Variants in LRRTM4 observed in about 807,000 individuals in gnomAD.
The protein encoded by LRRTM4 is leucine rich repeat transmembrane neuronal 4.
LRRTM4 carries 25 observed loss-of-function variants against 47.6 expected under a neutral mutation model. The ratio of observed to expected loss-of-function variants is 0.53; its 90% CI spans 0.38 to 0.73. The LOEUF (loss-of-function observed/expected upper bound fraction) is 0.73, where lower values mean the gene tolerates loss of function less well. Among genes scored for constraint, LRRTM4 ranks in the 30% least tolerant of loss-of-function variants. The probability of loss-of-function intolerance (pLI) is 0.00; values close to 1 mark genes in which losing one functional copy is unlikely to be tolerated. For missense variants in LRRTM4, 638 were observed against 713.4 expected (o/e 0.89, Z 1.20); for synonymous variants, 311 against 269.5 (o/e 1.15, Z -1.51).
chr2:77,251,315 A>T (rs1183214546), intron 3 of LRRTM4, among the ~76,000 whole-genome samples: 1 of 151,092 alleles, frequency 6.6e-6, no homozygotes, highest in Non-Finnish European at 1.5e-5. Context: ...ATTTTGAATT[A>T]TCATAAAAAA....
chr2:77,226,880 T>C (rs1261903428), intron 3 of LRRTM4, among the ~76,000 whole-genome samples: 1 of 151,914 alleles, frequency 6.6e-6, no homozygotes, highest in Non-Finnish European at 1.5e-5. Flanking sequence ...TTAGACAGAG[T>C]GCATACAGTG....
At chr2:76,840,802 T>C (rs1671652058) in intron 3 of LRRTM4, among the ~76,000 whole-genome samples, 1 of 152,072 alleles carries the variant, frequency 6.6e-6, no homozygotes, top group Non-Finnish European at 1.5e-5. Context: ...TGTAGAGAAA[T>C]AGGAATACTT....
intron 3 of LRRTM4, among the ~76,000 whole-genome samples, chr2:77,201,833 T>C (rs542808215): frequency 6.6e-6 from 1 of 152,168 alleles, no homozygotes; most frequent in Admixed American, 6.6e-5. Context: ...TGTAGAGTAC[T>C]TATCAAATTT....
intron 3 of LRRTM4, among the ~76,000 whole-genome samples, chr2:77,275,210 C>T (rs923636228): frequency 2.0e-5 from 3 of 152,060 alleles, no homozygotes; most frequent in Admixed American, 2.0e-4. Flanking sequence ...ACTTTTAGTA[C>T]CCACCTACAC....
intron 3 of LRRTM4, among the ~76,000 whole-genome samples, chr2:77,460,476 A>C (rs1676746358): frequency 6.6e-6 from 1 of 152,126 alleles, no homozygotes; most frequent in South Asian, 2.1e-4. Flanking sequence ...TTGCATGTTC[A>C]TTTTGCCCAG....
chr2:77,509,136 G>A (rs954515062), intron 3 of LRRTM4, among the ~76,000 whole-genome samples: 3 of 151,416 alleles, frequency 2.0e-5, no homozygotes, highest in African/African-American at 7.3e-5. Context: ...GGAGGCTGAG[G>A]CAGGAGAATC....
Position 76,913,543 on chromosome 2 carries a change from A to ATTTTTTTT in LRRTM4, c.1552-164635_1552-164628dup, listed in dbSNP as rs58615415. ...CCAAATATTTAGAGATCCTATTTCA[A>ATTTTTTTT]TTTTTTTTTTTTTTGAGACAGAGTC... On this transcript the variant is annotated intron_variant, in intron 3 of 3. Transcript: ENST00000409884. 8.8e-4 allele frequency among the ~76,000 whole-genome samples: 107 copies of ATTTTTTTT among 121,474 alleles called. 8 individuals are homozygous for ATTTTTTTT. Among genetic ancestry groups the ATTTTTTTT allele is most frequent in the African/African-American group, 3.2e-3 (98 of 30,644 alleles). 79.7% of individuals were successfully genotyped at this position (121,474 alleles called of 152,430 possible). A position where few individuals can be genotyped will look rare whatever the true frequency, so the allele number is the denominator to read the frequency against.
intron 3 of LRRTM4, among the ~76,000 whole-genome samples, chr2:77,301,224 A>G (rs1305184406): frequency 6.6e-6 from 1 of 152,166 alleles, no homozygotes; most frequent in Non-Finnish European, 1.5e-5. Context: ...TATAAAAAAT[A>G]GATAATTTTG....
chr2:76,936,938 G>A (rs1415997203), intron 3 of LRRTM4, among the ~76,000 whole-genome samples: 1 of 95,656 alleles, frequency 1.0e-5, no homozygotes, highest in East Asian at 3.7e-4. Flanking sequence ...CTGGGCGACA[G>A]AGCAAGACTC....
intron 3 of LRRTM4, among the ~76,000 whole-genome samples, chr2:76,873,710 A>G (rs754205172): frequency 1.3e-5 from 2 of 151,502 alleles, no homozygotes; most frequent in Non-Finnish European, 2.9e-5. Context: ...CATTTTACCA[A>G]TATGACCTTA....
Position 76,918,894 on chromosome 2 carries a change from T to A in LRRTM4, c.1552-169978A>T, listed in dbSNP as rs148371824. ...CATTTCATACTAACTTCGATCAAGA[T>A]AACCCTTTGGCTCAACCATTTACTA... On this transcript the variant is annotated intron_variant, in intron 3 of 3. Coordinates refer to ENST00000409884, the MANE Select transcript of LRRTM4 (RefSeq NM_001134745.3). Among the ~76,000 whole-genome samples the A allele has an allele frequency of 4.7e-4, 71 of 152,292 alleles. No individual in the cohort carries two copies. The East Asian group carries it at 0.011, about 24-fold the overall frequency.
At chr2:76,754,603 G>T (rs916453567) in intron 3 of LRRTM4, among the ~76,000 whole-genome samples, 10 of 152,160 alleles carry the variant, frequency 6.6e-5, no homozygotes, top group African/African-American at 2.4e-4. Context: ...ACATGTAAGT[G>T]TGAAAGCTCC....
intron 3 of LRRTM4, chr2:76,987,303 T>G (rs941873626): frequency 1.1e-4 from 17 of 150,798 alleles, no homozygotes; most frequent in African/African-American, 4.1e-4. Context: ...GGTGACAAAG[T>G]GCACACTTTT....
intron 3 of LRRTM4, among the ~76,000 whole-genome samples, chr2:77,344,084 G>A (rs1671472952): frequency 6.6e-6 from 1 of 151,802 alleles, no homozygotes; most frequent in South Asian, 2.1e-4. Context: ...GCTTATAGAA[G>A]TGTGTAAAAC....
At chr2:77,214,392 G>A (rs546078243) in intron 3 of LRRTM4, among the ~76,000 whole-genome samples, 15 of 152,258 alleles carry the variant, frequency 9.9e-5, no homozygotes, top group Middle Eastern at 6.8e-3. Context: ...ATAATATACT[G>A]CTGCCCAGCT....
intron 3 of LRRTM4, among the ~76,000 whole-genome samples, chr2:77,293,702 A>T (rs1676893276): frequency 6.6e-6 from 1 of 152,096 alleles, no homozygotes; most frequent in South Asian, 2.1e-4. Flanking sequence ...TCATGAGAGG[A>T]ATATAATTTT....
chr2:76,881,161 A>G (rs1034233082), intron 3 of LRRTM4, among the ~76,000 whole-genome samples: 1 of 152,326 alleles, frequency 6.6e-6, no homozygotes, highest in African/African-American at 2.4e-5. Context: ...TCAGATCACT[A>G]TAAATTGTGT....
At chr2:77,323,915 G>A (rs1354409140) in intron 3 of LRRTM4, among the ~76,000 whole-genome samples, 2 of 152,006 alleles carry the variant, frequency 1.3e-5, no homozygotes, top group African/African-American at 2.4e-5. Context: ...AATTAAGGGA[G>A]CTAACATGTA....
chr2:77,268,559 G>T (rs983723890), intron 3 of LRRTM4, among the ~76,000 whole-genome samples: 3 of 151,980 alleles, frequency 2.0e-5, no homozygotes, highest in African/African-American at 4.8e-5. Flanking sequence ...CATTCTGCAC[G>T]CTGTATATCA....
Sources: gnomAD v4.1 joint callset for allele counts (sites outside exome capture counted in the v4.1 genomes callset) on GRCh38, gnomAD v4.1.1 for gene constraint, MANE v1.5 for transcripts, NCBI Gene and HGNC (gene_info 2026-07-23, HGNC 2026-07-21) for gene names.